Variants in PDZD2 observed in about 807,000 individuals in gnomAD.
The protein encoded by PDZD2 is PDZ domain-containing protein 2.
Under a neutral mutation model 220.7 loss-of-function variants are expected in PDZD2, and 90 were observed. The ratio of observed to expected loss-of-function variants is 0.41; its 90% CI spans 0.34 to 0.49. The LOEUF (loss-of-function observed/expected upper bound fraction) is 0.49, where lower values mean the gene tolerates loss of function less well. Among genes scored for constraint, PDZD2 ranks in the 20% least tolerant of loss-of-function variants. The pLI is 0.28. For synonymous variants in PDZD2, 1,375 were observed against 1,450.5 expected, an observed-to-expected ratio of 0.95 and a Z score of 1.18; for missense variants, 3,174 against 3,608.5, an observed-to-expected ratio of 0.88 and a Z score of 3.08.
chr5:31,729,088 G>A (rs979104397), intron 1 of PDZD2, among the ~76,000 whole-genome samples: 1 of 145,102 alleles, frequency 6.9e-6, no homozygotes, highest in Admixed American at 7.2e-5. Flanking sequence ...TTACATGAAA[G>A]TGATCGAAAT....
At chr5:32,079,372 G>T (rs1269698642) in intron 19 of PDZD2, among the ~76,000 whole-genome samples, 2 of 151,636 alleles carry the variant, frequency 1.3e-5, no homozygotes, top group Non-Finnish European at 2.9e-5. Flanking sequence ...GATCCCACTT[G>T]TCGAGCTCTG....
At chr5:31,674,310 G>A (rs1246229896) in intron 1 of PDZD2, among the ~76,000 whole-genome samples, 1 of 152,150 alleles carries the variant, frequency 6.6e-6, no homozygotes, top group Non-Finnish European at 1.5e-5. Context: ...TGACTAATGA[G>A]TAAGCTAATT....
rs1745175748 is a variant in PDZD2 at position 32,109,577 on chromosome 5, AGTCAAG to A, written c.*1445_*1450del. On this transcript the variant is annotated 3_prime_UTR_variant, in exon 25 of 25. Coordinates refer to ENST00000438447, the MANE Select transcript of PDZD2 (RefSeq NM_178140.4). Reference sequence around the variant, plus strand: ...CATAAAGAGGAGGAGAAACAGGGTGAGTCAAGGTAAAGGAGCAGAAATGTAGTTACA... The same window carrying A: ...CATAAAGAGGAGGAGAAACAGGGTGAGTAAAGGAGCAGAAATGTAGTTACA... 6.6e-6 allele frequency: 1 copy of A among 152,228 alleles called. No homozygotes were observed. Among genetic ancestry groups the A allele is most frequent in the South Asian group, 2.1e-4 (1 of 4,828 alleles). 9.4% of individuals were successfully genotyped at this position (152,228 alleles called of 1,614,324 possible).
chr5:31,690,317 T>TG (rs1747066186), intron 1 of PDZD2, among the ~76,000 whole-genome samples: 1 of 152,074 alleles, frequency 6.6e-6, no homozygotes, highest in Non-Finnish European at 1.5e-5. Flanking sequence ...GCCAAGTGTC[T>TG]GGTGCCTGGA....
At position 32,083,614 on chromosome 5, in the gene PDZD2, G is replaced by A. The variant is rs1425587274; in HGVS notation, c.3683-3517G>A. 2.0e-5 allele frequency: 3 copies of A among 152,150 alleles called. No homozygotes were observed. The highest frequency in any genetic ancestry group is 4.4e-5 in the Non-Finnish European group (3 of 68,030). The allele number at this position is 152,150 out of a possible 1,614,324, so 9.4% of individuals were successfully genotyped here. ...GAAGACCTTTTAAGTTACAGACTTT[G>A]CAATAAAGTCAAATTGCTAACATGA... On this transcript the variant is annotated intron_variant, in intron 19 of 24. Coordinates refer to ENST00000438447, the MANE Select transcript of PDZD2 (RefSeq NM_178140.4). The surrounding 1 kb of genome is among the most constrained non-coding windows in gnomAD (Gnocchi z 4.1).
intron 6 of PDZD2, among the ~76,000 whole-genome samples, chr5:32,025,521 G>A (rs1022423899): frequency 1.7e-4 from 12 of 70,382 alleles, no homozygotes; most frequent in South Asian, 7.4e-4. Flanking sequence ...GTGAAACTCT[G>A]TCACAAAACA....
chr5:31,754,704 G>T (rs1751207321), intron 1 of PDZD2: 1 of 152,140 alleles, frequency 6.6e-6, no homozygotes, highest in South Asian at 2.1e-4. Context: ...CCTGAATTTT[G>T]ATTGTGACTC....
intron 2 of PDZD2, among the ~76,000 whole-genome samples, chr5:31,828,714 T>C (rs930812391): frequency 1.3e-5 from 2 of 152,228 alleles, no homozygotes; most frequent in Non-Finnish European, 2.9e-5. Flanking sequence ...TTTCCCATAC[T>C]GGTCTCAAAC....
intron 5 of PDZD2, among the ~76,000 whole-genome samples, chr5:32,003,046 TAC>T (rs750516174): frequency 4.8e-4 from 34 of 71,232 alleles, no homozygotes; most frequent in Non-Finnish European, 6.8e-4. Context: ...ATACACACAC[TAC>T]ACACACCACA....
intron 2 of PDZD2, among the ~76,000 whole-genome samples, chr5:31,942,706 A>G (rs1746307458): frequency 6.6e-6 from 1 of 152,222 alleles, no homozygotes; most frequent in African/African-American, 2.4e-5. Flanking sequence ...CATGTGGTCC[A>G]AACACATTCA....
chr5:31,760,454 G>C (rs1477719983), intron 1 of PDZD2, among the ~76,000 whole-genome samples: 1 of 152,188 alleles, frequency 6.6e-6, no homozygotes, highest in Non-Finnish European at 1.5e-5. Flanking sequence ...ACATGCCTAG[G>C]TTATCATGGA....
At chr5:31,790,761 C>T (rs760310413) in intron 1 of PDZD2, among the ~76,000 whole-genome samples, 22 of 140,680 alleles carry the variant, frequency 1.6e-4, no homozygotes, top group Non-Finnish European at 2.0e-4. Flanking sequence ...TGCAGTGGCA[C>T]GATCTCGGCT....
At chr5:31,877,819 A>T (rs1197479008) in intron 2 of PDZD2, among the ~76,000 whole-genome samples, 1 of 152,172 alleles carries the variant, frequency 6.6e-6, no homozygotes, top group East Asian at 1.9e-4. Context: ...CCTCCCGAGC[A>T]GCTGGGATTA....
chr5:32,084,090 A>G (rs1324407802), intron 19 of PDZD2, among the ~76,000 whole-genome samples: 1 of 152,224 alleles, frequency 6.6e-6, no homozygotes, highest in Non-Finnish European at 1.5e-5. Context: ...CAGGAACATT[A>G]TGCTTAAGGG....
chr5:32,022,197 T>TTTTTTTTTTTTTTTTTTTTTTG (rs1754265986), intron 6 of PDZD2, among the ~76,000 whole-genome samples: 1 of 145,486 alleles, frequency 6.9e-6, no homozygotes, highest in Non-Finnish European at 1.5e-5. Context: ...TTTTTTGTTT[T>TTTTTTTTTTTTTTTTTTTTTTG]TTGTTTTTTT....
intron 2 of PDZD2, among the ~76,000 whole-genome samples, chr5:31,897,212 C>T (rs950030652): frequency 4.6e-5 from 7 of 152,010 alleles, no homozygotes; most frequent in Middle Eastern, 3.2e-3. Context: ...AGTGAACTAA[C>T]TCAAATCTTG....
chr5:32,054,338 T>TTTTTTA (rs1554034160), intron 10 of PDZD2, among the ~76,000 whole-genome samples: 2 of 125,662 alleles, frequency 1.6e-5, no homozygotes, highest in Non-Finnish European at 1.7e-5. Context: ...TTTTTTTTTT[T>TTTTTTA]AATGAGACAG....
chr5:31,761,072 G>C (rs1156430789), intron 1 of PDZD2, among the ~76,000 whole-genome samples: 2 of 152,206 alleles, frequency 1.3e-5, no homozygotes, highest in African/African-American at 4.8e-5. Context: ...AGTAGGGGTG[G>C]TGGTGACGGG....
At position 31,983,567 on chromosome 5, in the gene PDZD2, A is replaced by G; in HGVS notation, c.889A>G (p.Thr297Ala). ...DRGTEHRIPK[T>A]DAPLTTSNDK... ...AGGGACAGAGCATAGAATTCCAAAG[A>G]CAGATGCTCCTCTGACCACAAGCAA... Residue 297 changes from threonine (T) to alanine (A), a missense_variant, in exon 3 of 25, where the codon ACA (threonine) becomes GCA (alanine). Thr to Ala is a moderately conservative substitution (Grantham distance 58). Around this residue, in one of 4 missense-constraint regions of PDZD2, gnomAD observed 632 missense variants for 708.1 expected, o/e 0.89. Transcript: ENST00000438447. 8.7e-6 allele frequency: 14 copies of G among 1,614,162 alleles called. No homozygotes were observed. Among genetic ancestry groups the G allele is most frequent in the Non-Finnish European group, 1.0e-5 (12 of 1,179,994 alleles).
Sources: allele counts gnomAD v4.1 joint callset (sites outside exome capture counted in the v4.1 genomes callset), GRCh38; gene constraint gnomAD v4.1.1; regional missense constraint gnomAD v4.1.1; non-coding constraint Gnocchi (gnomAD v3.1); transcripts MANE v1.5; gene names NCBI Gene and HGNC (gene_info 2026-07-23, HGNC 2026-07-21).